Variants in MAGI1 observed in about 807,000 individuals in gnomAD.
The protein encoded by MAGI1 is membrane-associated guanylate kinase, WW and PDZ domain-containing protein 1.
MAGI1 carries 58 observed loss-of-function variants against 139.9 expected under a neutral mutation model. That is an observed-to-expected ratio of 0.41 (90% CI 0.34 to 0.52). The LOEUF is 0.52. Among genes scored for constraint, MAGI1 ranks in the 20% least tolerant of loss-of-function variants. MAGI1 has a pLI of 0.12. For missense variants in MAGI1, 1,874 were observed against 1,901.6 expected (o/e 0.99, Z 0.27); for synonymous variants, 812 against 737.9 (o/e 1.10, Z -1.63).
chr3:65,619,704 G>A (rs1488109551), intron 2 of MAGI1: 2 of 255,216 alleles, frequency 7.8e-6, no homozygotes, highest in African/African-American at 4.6e-5. Context: ...AAACACAAAT[G>A]TGGCCAGAGT....
intron 1 of MAGI1, among the ~76,000 whole-genome samples, 182 bp downstream of exon 1, chr3:66,037,814 G>C (rs1025312016): frequency 2.6e-5 from 4 of 152,116 alleles, no homozygotes; most frequent in African/African-American, 9.7e-5. Context: ...TCGAAACGCA[G>C]GTGGGCAAAC....
At chr3:65,653,085 A>AC (rs1029604979) in intron 1 of MAGI1, among the ~76,000 whole-genome samples, 8 of 152,244 alleles carry the variant, frequency 5.3e-5, no homozygotes, top group Non-Finnish European at 1.0e-4. Flanking sequence ...AAACTTGTAT[A>AC]CTTTTTTTTC....
intron 2 of MAGI1, among the ~76,000 whole-genome samples, chr3:65,558,694 C>CA (rs1224237233): frequency 6.6e-5 from 10 of 151,644 alleles, no homozygotes; most frequent in East Asian, 5.8e-4. Context: ...AACAAACACA[C>CA]AAAAAAAACC....
At chr3:65,641,756 A>G (rs917989242) in intron 1 of MAGI1, among the ~76,000 whole-genome samples, 1 of 152,194 alleles carries the variant, frequency 6.6e-6, no homozygotes, top group Non-Finnish European at 1.5e-5. Context: ...AAGGAAGAAA[A>G]CTGAAATTAG....
At chr3:65,714,990 T>C (rs1266915130) in intron 1 of MAGI1, among the ~76,000 whole-genome samples, 1 of 150,192 alleles carries the variant, frequency 6.7e-6, no homozygotes, top group Non-Finnish European at 1.5e-5. Flanking sequence ...CAAAGGATGG[T>C]GACAAAGATA....
chr3:65,449,130 G>C lies in MAGI1; in HGVS notation c.1043-1073C>G, dbSNP rs977262215. On this transcript the variant is annotated intron_variant, in intron 6 of 22. Coordinates refer to ENST00000402939, the MANE Select transcript of MAGI1 (RefSeq NM_001033057.2). The stretch of plus-strand genomic sequence containing the variant: ...GTAAACTCTTGATTTGTTGTGGGGT[G>C]GGGGGAGGGAGGAGGGATAGCATTA... Among the ~76,000 whole-genome samples, 5 of 114,326 alleles carry C rather than the reference G, an allele frequency of 4.4e-5. No homozygotes were observed. The East Asian group carries it at 1.3e-3, about 29-fold the overall frequency. The allele number at this position is 114,326 out of a possible 152,430, so 75.0% of individuals were successfully genotyped here.
chr3:65,769,369 G>C (rs1284693296), intron 1 of MAGI1, among the ~76,000 whole-genome samples: 1 of 152,118 alleles, frequency 6.6e-6, no homozygotes, highest in Non-Finnish European at 1.5e-5. Flanking sequence ...TGTACCTGTA[G>C]TCCCACCTAT....
intron 1 of MAGI1, among the ~76,000 whole-genome samples, chr3:65,690,837 G>C (rs1360840833): frequency 8.1e-6 from 1 of 123,446 alleles, no homozygotes; most frequent in African/African-American, 3.6e-5. Flanking sequence ...GTTAAAAATT[G>C]ATATTTTGAA....
intron 2 of MAGI1, among the ~76,000 whole-genome samples, chr3:65,513,962 A>G (rs1251655958): frequency 1.2e-5 from 1 of 84,902 alleles, no homozygotes; most frequent in African/African-American, 4.3e-5. Context: ...AAACAGAGAT[A>G]TAGATCACTG....
At position 65,387,130 on chromosome 3, in the gene MAGI1, A is replaced by G. The variant is rs754295081; in HGVS notation, c.2417-3507T>C. 82 of 1,610,098 alleles carry G rather than the reference A, an allele frequency of 5.1e-5. No homozygotes were observed. The Admixed American group carries it at 1.3e-3, about 26-fold the overall frequency. The stretch of plus-strand genomic sequence containing the variant: ...TGAAAACGGAGAGACAAAAGTTTTC[A>G]GCGGATCCTTACTCGGACATTCTCC... On this transcript the variant is annotated intron_variant, in intron 14 of 22. Coordinates refer to ENST00000402939, the MANE Select transcript of MAGI1 (RefSeq NM_001033057.2).
intron 1 of MAGI1, among the ~76,000 whole-genome samples, chr3:65,745,672 A>T (rs937015647): frequency 2.6e-5 from 4 of 152,346 alleles, no homozygotes; most frequent in Admixed American, 2.6e-4. Context: ...CATATGTTTA[A>T]TCAATTATTT....
At chr3:65,475,507 T>TAC (rs765633105) in intron 4 of MAGI1, among the ~76,000 whole-genome samples, 1 of 152,196 alleles carries the variant, frequency 6.6e-6, no homozygotes, top group African/African-American at 2.4e-5. Flanking sequence ...TAATCCTTGT[T>TAC]ACACACTTTC....
intron 1 of MAGI1, among the ~76,000 whole-genome samples, chr3:66,014,957 A>G (rs1168298247): frequency 6.6e-6 from 1 of 152,114 alleles, no homozygotes; most frequent in East Asian, 1.9e-4. Flanking sequence ...TTCTAACCCT[A>G]ACTGACAACA....
chr3:65,741,130 A>G (rs28448735), intron 1 of MAGI1, among the ~76,000 whole-genome samples: 1 of 152,044 alleles, frequency 6.6e-6, no homozygotes, highest in Non-Finnish European at 1.5e-5. Context: ...AACTTGATCA[A>G]CTGTGGAAAC....
rs1948137315 is a variant in MAGI1 at position 65,439,865 on chromosome 3, G to A, written c.1270+14C>T. ...TCCCCTGATCAAGAAAAAGCCTAGA[G>A]GAAAGAGGCCAACCTTCTGTCTGCT... is the stretch of plus-strand genomic sequence containing the variant. On this transcript the variant is annotated intron_variant, in intron 9 of 22. Transcript: ENST00000402939. 6 of 1,609,684 alleles carry A rather than the reference G, an allele frequency of 3.7e-6. No individual in the cohort carries two copies. Among genetic ancestry groups the A allele is most frequent in the Non-Finnish European group, 5.1e-6 (6 of 1,179,882 alleles).
At chr3:65,900,722 G>A (rs1479509350) in intron 1 of MAGI1, among the ~76,000 whole-genome samples, 1 of 152,106 alleles carries the variant, frequency 6.6e-6, no homozygotes, top group Non-Finnish European at 1.5e-5. Flanking sequence ...ACCCCTATAG[G>A]TTACAAAAGA....
chr3:65,501,167 C>G (rs185915816), intron 2 of MAGI1, among the ~76,000 whole-genome samples: 1 of 152,152 alleles, frequency 6.6e-6, no homozygotes, highest in East Asian at 1.9e-4. Flanking sequence ...TGAAAAACCC[C>G]TTCTGAAACT....
At chr3:66,023,636 G>A (rs572826472) in intron 1 of MAGI1, among the ~76,000 whole-genome samples, 1 of 152,144 alleles carries the variant, frequency 6.6e-6, no homozygotes, top group Admixed American at 6.5e-5. Context: ...CCACTCCTGG[G>A]GTAAAGGTTA....
At chr3:65,554,757 T>C (rs1178746424) in intron 2 of MAGI1, among the ~76,000 whole-genome samples, 1 of 152,212 alleles carries the variant, frequency 6.6e-6, no homozygotes, top group Non-Finnish European at 1.5e-5. Flanking sequence ...CAACCCTGAT[T>C]TAAACTGAAG....
Sources: allele counts gnomAD v4.1 joint callset (sites outside exome capture counted in the v4.1 genomes callset), GRCh38; gene constraint gnomAD v4.1.1; transcripts MANE v1.5; gene names NCBI Gene and HGNC (gene_info 2026-07-23, HGNC 2026-07-21).